Variants in MARK3 observed in about 807,000 individuals in gnomAD.
The protein encoded by MARK3 is MAP/microtubule affinity-regulating kinase 3.
A neutral mutation model predicts 90.1 loss-of-function variants in MARK3; 46 were observed. The observed-to-expected ratio is 0.51, with a 90% CI of 0.40 to 0.65. The LOEUF (loss-of-function observed/expected upper bound fraction) is 0.65. Ranked by LOEUF, MARK3 falls within the 30% of genes least tolerant of loss-of-function variation. The pLI is 0.00. For synonymous variants in MARK3, 321 were observed against 332.6 expected, an observed-to-expected ratio of 0.97 and a Z score of 0.38; for missense variants, 818 against 947.2, an observed-to-expected ratio of 0.86 and a Z score of 1.79.
intron 17 of MARK3, among the ~76,000 whole-genome samples, chr14:103,501,123 C>T (rs1301561123): frequency 6.6e-6 from 1 of 152,162 alleles, no homozygotes; most frequent in Admixed American, 6.5e-5. Context: ...GGTCATATGA[C>T]CTTTCTGAAT....
intron 15 of MARK3, 36 bp from the exon 16 acceptor site, chr14:103,498,464 TTG>T: frequency 8.1e-7 from 1 of 1,233,462 alleles, no homozygotes. Context: ...CGAGTTATTT[TTG>T]TTAATTTTTT....
At chr14:103,468,510 A>G (rs1423249664) in intron 12 of MARK3, among the ~76,000 whole-genome samples, 1 of 150,624 alleles carries the variant, frequency 6.6e-6, no homozygotes, top group African/African-American at 2.4e-5. Context: ...TTTTTAGTAG[A>G]GACGGGGTTT....
chr14:103,502,512 C>T (rs1446578583), intron 17 of MARK3, among the ~76,000 whole-genome samples: 1 of 152,172 alleles, frequency 6.6e-6, no homozygotes, highest in Non-Finnish European at 1.5e-5. Context: ...GTGGGGTGGG[C>T]AGGAGCTGGC....
chr14:103,385,498 G>A lies in MARK3; in HGVS notation c.-532G>A, dbSNP rs1005351185. 2.6e-5 allele frequency: 4 copies of A among 154,620 alleles called. No homozygotes were observed. Among genetic ancestry groups the A allele is most frequent in the Admixed American group, 1.3e-4 (2 of 15,286 alleles). The allele number at this position is 154,620 out of a possible 1,614,324, so 9.6% of individuals were successfully genotyped here. On this transcript the variant is annotated 5_prime_UTR_variant, in exon 1 of 18. Transcript: ENST00000429436. ...GGAGGCTGAGGCAGCAAGCTCGCTA[G>A]AGAGGGAGAAGCAGTCGGGCGCAGG...
chr14:103,428,291 CTT>C, intron 2 of MARK3, 94 bp from the exon 3 acceptor site: 1 of 616,020 alleles, frequency 1.6e-6, no homozygotes, highest in South Asian at 2.2e-5. Context: ...TTGTTGCTTG[CTT>C]GCTTGCTTGC....
At chr14:103,395,577 C>G (rs146697809) in intron 1 of MARK3, among the ~76,000 whole-genome samples, 1 of 152,148 alleles carries the variant, frequency 6.6e-6, no homozygotes, top group Admixed American at 6.5e-5. Context: ...CTTTCCTGTT[C>G]GATCCATTTT....
At chr14:103,390,105 G>A (rs1479203999) in intron 1 of MARK3, among the ~76,000 whole-genome samples, 11 of 152,006 alleles carry the variant, frequency 7.2e-5, no homozygotes, top group East Asian at 3.9e-4. Flanking sequence ...AAAATTAGCC[G>A]GGCGTGGTGG....
At chr14:103,455,999 T>C (rs1016997490) in intron 5 of MARK3, among the ~76,000 whole-genome samples, 1 of 152,230 alleles carries the variant, frequency 6.6e-6, no homozygotes, top group Non-Finnish European at 1.5e-5. Flanking sequence ...TTCTATTGAT[T>C]TCAGAGGTGG....
At position 103,502,867 on chromosome 14, in the gene MARK3, C is replaced by G. The variant is rs1566952893; in HGVS notation, c.1917-15C>G. 2.5e-6 allele frequency: 4 copies of G among 1,594,494 alleles called. No homozygotes were observed. The highest frequency in any genetic ancestry group is 3.4e-6 in the Non-Finnish European group (4 of 1,166,242). ...CCTGTACGATTAAAAATAAACCTGCCTCTATGCATTTCAGTCGCAATGTAT... is the reference window on the plus strand; with the variant it reads ...CCTGTACGATTAAAAATAAACCTGCGTCTATGCATTTCAGTCGCAATGTAT... On this transcript the variant is annotated splice_polypyrimidine_tract_variant and intron_variant, in intron 17 of 17. Transcript: ENST00000429436.
chr14:103,478,049 C>T (rs1205930591), intron 13 of MARK3, among the ~76,000 whole-genome samples: 2 of 151,470 alleles, frequency 1.3e-5, no homozygotes, highest in African/African-American at 4.8e-5. Context: ...GTAATCCCAG[C>T]ACTTTGGGAG....
intron 17 of MARK3, 47 bp downstream of exon 17, chr14:103,500,247 C>T: frequency 1.4e-6 from 2 of 1,402,328 alleles, no homozygotes; most frequent in Non-Finnish European, 2.0e-6. Context: ...GTGTTTACTT[C>T]ATTTCTGTGG....
At chr14:103,447,817 C>T (rs2093033044) in intron 3 of MARK3, among the ~76,000 whole-genome samples, 1 of 151,976 alleles carries the variant, frequency 6.6e-6, no homozygotes, top group African/African-American at 2.4e-5. Flanking sequence ...GCTTTGTCGC[C>T]CAGGCTGGAG....
intron 3 of MARK3, among the ~76,000 whole-genome samples, chr14:103,440,847 G>A (rs2092832498): frequency 6.8e-6 from 1 of 147,928 alleles, no homozygotes; most frequent in Non-Finnish European, 1.5e-5. Context: ...GGAGGCTGAG[G>A]ATTGATTAAG....
intron 1 of MARK3, among the ~76,000 whole-genome samples, chr14:103,404,376 G>T (rs565983529): frequency 6.6e-6 from 1 of 152,338 alleles, no homozygotes; most frequent in South Asian, 2.1e-4. Context: ...CTTTGAGTGT[G>T]TGTGGGGGCC....
At position 103,451,973 on chromosome 14, in the gene MARK3, T is replaced by C. The variant is rs959086052; in HGVS notation, c.402T>C (p.Tyr134=). 6.2e-7 allele frequency: 1 copy of C among 1,608,222 alleles called. No individual in the cohort carries two copies. The highest frequency in any genetic ancestry group is 1.3e-5 in the African/African-American group (1 of 74,852). The stretch of plus-strand genomic sequence containing the variant: ...AAACACTCTACCTAATCATGGAATA[T>C]GCAAGTGGAGGTAAGAACATTTTTA... The part of the protein sequence containing the change: ...TEKTLYLIME[Y]ASGGEVFDYL... Residue 134 remains tyrosine (Y), a synonymous_variant, in exon 5 of 18, where the codon TAT becomes TAC. Coordinates refer to ENST00000429436, the MANE Select transcript of MARK3 (RefSeq NM_001128918.3).
At chr14:103,452,265 C>T (rs958306654) in intron 5 of MARK3, among the ~76,000 whole-genome samples, 1 of 152,048 alleles carries the variant, frequency 6.6e-6, no homozygotes, top group Non-Finnish European at 1.5e-5. Context: ...TTTAGGCGCA[C>T]AGTTCAGTGA....
intron 1 of MARK3, among the ~76,000 whole-genome samples, chr14:103,389,257 G>A (rs2098480407): frequency 6.6e-6 from 1 of 151,660 alleles, no homozygotes; most frequent in African/African-American, 2.4e-5. Flanking sequence ...CTAGCTACTC[G>A]GGAGGCTGAG....
chr14:103,457,277 A>G, intron 6 of MARK3, 65 bp downstream of exon 6: 3 of 1,245,608 alleles, frequency 2.4e-6, no homozygotes, highest in Non-Finnish European at 3.5e-6. Context: ...CCTGAAGCAA[A>G]CAAGTGTTTG....
chr14:103,459,687 A>G (rs12894652), intron 6 of MARK3, among the ~76,000 whole-genome samples: 48,628 of 146,120 alleles, frequency 0.33, 8,194 homozygotes, highest in East Asian at 0.5. Flanking sequence ...TTTTTTTTGT[A>G]ATTTTAGTAG....
Sources: allele counts gnomAD v4.1 joint callset (sites outside exome capture counted in the v4.1 genomes callset), GRCh38; gene constraint gnomAD v4.1.1; transcripts MANE v1.5; gene names NCBI Gene and HGNC (gene_info 2026-07-23, HGNC 2026-07-21).